Variants in DOCK6 observed in about 807,000 individuals in gnomAD.
DOCK6 encodes the protein dedicator of cytokinesis 6.
In DOCK6, 167 loss-of-function variants were observed where a neutral mutation model predicts 230.3. That is an observed-to-expected ratio of 0.73 (90% CI 0.64 to 0.82). The LOEUF is 0.82. DOCK6 is among the 40% of genes least tolerant of loss of function. The pLI is 0.00. For missense variants in DOCK6, 2,598 were observed against 2,825.8 expected, an observed-to-expected ratio of 0.92 and a Z score of 1.83; for synonymous variants, 1,148 against 1,185.0, an observed-to-expected ratio of 0.97 and a Z score of 0.64.
At position 11,243,473 on chromosome 19, in the gene DOCK6, AC is replaced by A. The variant is rs2147852765; in HGVS notation, c.1258+83del. 4 of 1,543,050 alleles carry A rather than the reference AC, an allele frequency of 2.6e-6. No individual in the cohort carries two copies. In the South Asian group the frequency reaches 3.6e-5, roughly 14 times the overall value. ...GCACAGTTCGGCCAGCAGAGGGCGC[AC>A]CCCCTCGCCCCGTAGCCCCGCCCCA... is the stretch of plus-strand genomic sequence containing the variant. On this transcript the variant is annotated intron_variant, in intron 11 of 47. Coordinates refer to ENST00000294618, the MANE Select transcript of DOCK6 (RefSeq NM_020812.4). The surrounding 1 kb of genome is among the most constrained non-coding windows in gnomAD (Gnocchi z 6.3).
At chr19:11,237,889 G>C in intron 16 of DOCK6, 110 bp from the exon 17 acceptor site, 1 of 1,419,992 alleles carries the variant, frequency 7.0e-7, no homozygotes, top group Non-Finnish European at 9.7e-7. Context: ...TGTCTCTGCT[G>C]TCTGCCTCAG....
In DOCK6 at chr19:11,200,456, G is replaced by A; in HGVS notation, c.5953C>T (p.Leu1985=). ...KDFCKKCEDA[L]RKNKALIGPD... is the part of the protein sequence containing the mutation. ...CCAATCAGGGCCTTATTTTTCCGCA[G>A]CGCATCCTCACATCTGAGGGCCAGA... The change falls in exon 47 of 48, where the codon CTG becomes TTG. Residue 1985 remains leucine (L), a synonymous_variant. Coordinates refer to ENST00000294618, the MANE Select transcript of DOCK6 (RefSeq NM_020812.4). The surrounding 1 kb of genome is among the most constrained non-coding windows in gnomAD (Gnocchi z 4.3). 1 of 1,610,900 alleles carries A rather than the reference G, an allele frequency of 6.2e-7. No homozygotes were observed. Among genetic ancestry groups the A allele is most frequent in the South Asian group, 1.1e-5 (1 of 90,134 alleles).
intron 21 of DOCK6, among the ~76,000 whole-genome samples, chr19:11,234,090 C>T (rs2079811070): frequency 6.6e-6 from 1 of 152,086 alleles, no homozygotes; most frequent in African/African-American, 2.4e-5. Flanking sequence ...ACCTCCATCT[C>T]CTGGGTTTGT....
chr19:11,201,194 G>T lies in DOCK6; in HGVS notation c.5689-142C>A. ...TGAACAGAATCTGGGGGCCTTCCTG[G>T]GTCTGACTCTGGGGGGGTCCAGCCT... On this transcript the variant is annotated intron_variant, in intron 44 of 47. Coordinates refer to ENST00000294618, the MANE Select transcript of DOCK6 (RefSeq NM_020812.4). This position sits in a 1 kb window ranked among gnomAD's most constrained non-coding sequence, Gnocchi z 4.3. 9.0e-7 allele frequency: 1 copy of T among 1,105,708 alleles called. No homozygotes were observed. Among genetic ancestry groups the T allele is most frequent in the Non-Finnish European group, 1.3e-6 (1 of 775,278 alleles). 68.5% of individuals were successfully genotyped at this position (1,105,708 alleles called of 1,614,324 possible).
rs779097139 is a variant in DOCK6, at chr19:11,253,687, T to C, written c.84A>G (p.Glu28=). The C allele has an allele frequency of 1.4e-6, 2 of 1,470,908 alleles. No individual in the cohort carries two copies. The highest frequency in any genetic ancestry group is 1.8e-6 in the Non-Finnish European group (2 of 1,118,438). The allele number at this position is 1,470,908 out of a possible 1,614,324, so 91.1% of individuals were successfully genotyped here. A position where few individuals can be genotyped will look rare whatever the true frequency, so the allele number is the denominator to read the frequency against. ...TGCTGGAGTGGGGGGAGCCACTGCG[T>C]TCCCGGGACACCTGCTTCCGCACCT... ...AAEVRKQVSR[E]RSGSPHSSRR... is the part of the protein sequence containing the mutation. Residue 28 remains glutamate (E), a synonymous_variant, in exon 2 of 48, where the codon GAA becomes GAG. Coordinates refer to ENST00000294618, the MANE Select transcript of DOCK6 (RefSeq NM_020812.4).
intron 14 of DOCK6, 154 bp downstream of exon 14, chr19:11,241,891 T>G (rs2079952396): frequency 2.4e-6 from 3 of 1,256,566 alleles, no homozygotes; most frequent in Non-Finnish European, 2.2e-6. Flanking sequence ...AGGAAGGACA[T>G]GTACCCTTTC....
In DOCK6 at chr19:11,208,953, G is replaced by A. The variant is rs763656586; in HGVS notation, c.4902C>T (p.Leu1634=). The A allele has an allele frequency of 1.1e-5, 17 of 1,598,968 alleles. No homozygotes were observed. In the East Asian group the frequency reaches 1.3e-4, roughly 13 times the overall value. ...AALVAEYLAL[L]EDHRHLPVGC... ...CCACGGGCAGGTGGCGGTGGTCCTC[G>A]AGCAGGGCGAGGTACTCAGCCACGA... The change falls in exon 38 of 48, where the codon CTC becomes CTT. Residue 1634 remains leucine (L), a synonymous_variant. Transcript: ENST00000294618.
intron 22 of DOCK6, chr19:11,232,169 C>T (rs1479343035): frequency 7.8e-7 from 1 of 1,287,096 alleles, no homozygotes; most frequent in African/African-American, 1.5e-5. Flanking sequence ...AGTGCAGGGA[C>T]AGGTAGGAAG....
chr19:11,232,997 G>A lies in DOCK6; in HGVS notation c.2718+206C>T, dbSNP rs141666244. Reference sequence around the variant, plus strand: ...GCCAAGCTCCGCCACCCATCCTCGGGTCAGTCACGGAGTAGAGCTCAACAC... The same window carrying A: ...GCCAAGCTCCGCCACCCATCCTCGGATCAGTCACGGAGTAGAGCTCAACAC... On this transcript the variant is annotated intron_variant, in intron 22 of 47. Transcript: ENST00000294618. Among the ~76,000 whole-genome samples the A allele has an allele frequency of 4.9e-3, 744 of 152,184 alleles. 8 individuals carry two copies. The highest frequency in any genetic ancestry group is 0.017 in the African/African-American group (704 of 41,498).
At position 11,200,760 on chromosome 19, in the gene DOCK6, C is replaced by A. The variant is rs763437372; in HGVS notation, c.5895G>T (p.Arg1965=). The A allele has an allele frequency of 1.2e-5, 20 of 1,613,584 alleles. No individual in the cohort carries two copies. In the East Asian group the frequency reaches 2.7e-4, roughly 22 times the overall value. Residue 1965 remains arginine, a synonymous_variant, in exon 46 of 48, where the codon CGG becomes CGT. Coordinates refer to ENST00000294618, the MANE Select transcript of DOCK6 (RefSeq NM_020812.4). This position sits in a 1 kb window ranked among gnomAD's most constrained non-coding sequence, Gnocchi z 4.3. ...AGCAGAGCCGCAATTTGTTGTGATG[C>A]CGGAAGAGCTTGGGGTCTTCCGGGA... ...AEIPEDPKLF[R]HHNKLRLCFK...
rs1428887459 is a variant in DOCK6 at position 11,204,073 on chromosome 19, TGACTCAC to T, written c.5235+1_5235+7del. 19 of 1,549,454 alleles carry T rather than the reference TGACTCAC, an allele frequency of 1.2e-5. No individual in the cohort carries two copies. Among genetic ancestry groups the T allele is most frequent in the Non-Finnish European group, 1.7e-5 (19 of 1,146,690 alleles). ...GAGGCAGGTGGCTGTCCACCAAGGC[TGACTCAC>T]CTCCCAGCCGGAACTCTGTGGGGAA... On this transcript the variant is annotated splice_donor_variant and splice_donor_5th_base_variant and intron_variant, in intron 41 of 47. Coordinates refer to ENST00000294618, the MANE Select transcript of DOCK6 (RefSeq NM_020812.4). LOFTEE classifies it high-confidence loss of function.
Position 11,204,313 on chromosome 19 carries a change from C to T in DOCK6, c.5107G>A (p.Val1703Met). ...YFTMGGLYEA[V>M]NEVYKNLIPI... The stretch of plus-strand genomic sequence containing the variant: ...ATGAGGTTCTTGTAGACCTCATTCA[C>T]CGCCTCGTAGAGCCCGCCCTGAGGG... Residue 1703 changes from valine to methionine, a missense_variant, in exon 40 of 48, where the codon GTG (valine) becomes ATG (methionine). Physicochemically the swap from Val to Met is conservative, Grantham distance 21. Transcript: ENST00000294618. 1 of 1,611,724 alleles carries T rather than the reference C, an allele frequency of 6.2e-7. No homozygotes were observed. The highest frequency in any genetic ancestry group is 1.3e-5 in the African/African-American group (1 of 74,904).
chr19:11,201,819 T>TCC lies in DOCK6; in HGVS notation c.5688+68_5688+69dup. On this transcript the variant is annotated intron_variant, in intron 44 of 47. Coordinates refer to ENST00000294618, the MANE Select transcript of DOCK6 (RefSeq NM_020812.4). This position sits in a 1 kb window ranked among gnomAD's most constrained non-coding sequence, Gnocchi z 4.3. ...TGGGTCTGGGTCCCTGTGTCTACCC[T>TCC]CCCCTCCCCTCCCAGGGTCTGATGT... The TCC allele has an allele frequency of 3.4e-6, 4 of 1,189,454 alleles. No individual in the cohort carries two copies. Among genetic ancestry groups the TCC allele is most frequent in the Non-Finnish European group, 3.5e-6 (3 of 856,390 alleles). The allele number at this position is 1,189,454 out of a possible 1,614,324, so 73.7% of individuals were successfully genotyped here.
rs375798888 is a variant in DOCK6 at position 11,222,897 on chromosome 19, C to T, written c.3078G>A (p.Thr1026=). Reference sequence around the variant, plus strand: ...CTGGATTAGGGGACGACTGGAGCCGCGTGGCCACCTGCAGGAGAGGGGTGG... The same window carrying T: ...CTGGATTAGGGGACGACTGGAGCCGTGTGGCCACCTGCAGGAGAGGGGTGG... ...LVRAHYKQVA[T]RLQSSPNPAA... is the part of the protein sequence containing the mutation. Residue 1026 remains threonine (T), a synonymous_variant, in exon 26 of 48, where the codon ACG becomes ACA. Transcript: ENST00000294618. The surrounding 1 kb of genome is among the most constrained non-coding windows in gnomAD (Gnocchi z 4.0). 2.4e-5 allele frequency: 39 copies of T among 1,609,348 alleles called. No homozygotes were observed. Among genetic ancestry groups the T allele is most frequent in the Middle Eastern group, 3.3e-4 (2 of 6,062 alleles).
In DOCK6 at chr19:11,215,909, G is replaced by A. The variant is rs112911897; in HGVS notation, c.3913C>T (p.Arg1305Cys). ...FEYKGKKAFE[R>C]INSLTFKKSL... ...TTTTTGAATGTGAGGCTGTTGATGC[G>A]TTCAAAGGCCTTTTTCCCCTGGGGG... The change falls in exon 31 of 48, where the codon CGC becomes TGC. Residue 1305 changes from arginine (R) to cysteine (C), a missense_variant. By Grantham distance (180) the Arg-to-Cys change is radical (BLOSUM62 -3). Transcript: ENST00000294618. The A allele has an allele frequency of 9.7e-3, 15,686 of 1,613,744 alleles. 101 individuals are homozygous for A. The highest frequency in any genetic ancestry group is 0.011 in the Non-Finnish European group (12,576 of 1,179,836).
chr19:11,259,302 A>C (rs935694810), intron 1 of DOCK6, among the ~76,000 whole-genome samples: 5 of 152,030 alleles, frequency 3.3e-5, no homozygotes, highest in Non-Finnish European at 7.4e-5. Flanking sequence ...TGGTAGGATT[A>C]CAGGTGTGAG....
chr19:11,261,853 G>A, intron 1 of DOCK6, among the ~76,000 whole-genome samples: 1 of 132,258 alleles, frequency 7.6e-6, no homozygotes, highest in African/African-American at 3.1e-5. Context: ...CCCCCCCCCC[G>A]ACAGCTGGGC....
rs778436151 is a variant in DOCK6 at position 11,222,666 on chromosome 19, C to A, written c.3240+69G>T. 4.4e-4 allele frequency: 643 copies of A among 1,455,506 alleles called. No individual in the cohort carries two copies. The highest frequency in any genetic ancestry group is 5.6e-4 in the Non-Finnish European group (600 of 1,077,514). The allele number at this position is 1,455,506 out of a possible 1,614,324, so 90.2% of individuals were successfully genotyped here. On this transcript the variant is annotated intron_variant, in intron 26 of 47. Transcript: ENST00000294618. This position sits in a 1 kb window ranked among gnomAD's most constrained non-coding sequence, Gnocchi z 4.0. ...CGTGAAAGGGACAGAGATGAGGGAA[C>A]CATAGGAGATGGACTGAAGGTGAGA... is the stretch of plus-strand genomic sequence containing the variant.
rs1355812416 is a variant in DOCK6 at position 11,202,439 on chromosome 19, G to A, written c.5406C>T (p.Ile1802=). 1.9e-6 allele frequency: 3 copies of A among 1,613,640 alleles called. No homozygotes were observed. The highest frequency in any genetic ancestry group is 2.5e-6 in the Non-Finnish European group (3 of 1,179,806). ...ACTTGTCCACAGGGTTAGAGTCTTTGATAATCTCAACGACGTCGTCGCCAA... is the reference window on the plus strand; with the variant it reads ...ACTTGTCCACAGGGTTAGAGTCTTTAATAATCTCAACGACGTCGTCGCCAA... The part of the protein sequence containing the change: ...ERFGDDVVEI[I]KDSNPVDKSK... The change falls in exon 43 of 48, where the codon ATC becomes ATT. Residue 1802 remains isoleucine, a synonymous_variant. Coordinates refer to ENST00000294618, the MANE Select transcript of DOCK6 (RefSeq NM_020812.4). The surrounding 1 kb of genome is among the most constrained non-coding windows in gnomAD (Gnocchi z 5.3).
Sources: gnomAD v4.1 joint callset for allele counts (sites outside exome capture counted in the v4.1 genomes callset) on GRCh38, gnomAD v4.1.1 for gene constraint, Gnocchi (gnomAD v3.1) non-coding constraint, MANE v1.5 for transcripts, NCBI Gene and HGNC (gene_info 2026-07-23, HGNC 2026-07-21) for gene names.